ADGRG2: variants seen among roughly 807,000 people sequenced by gnomAD.
ADGRG2 encodes adhesion G protein-coupled receptor G2, also known as G protein-coupled receptor 64.
A neutral mutation model predicts 74.1 loss-of-function variants in ADGRG2; 26 were observed. The ratio of observed to expected loss-of-function variants is 0.35; its 90% CI spans 0.26 to 0.49. ADGRG2 has a LOEUF of 0.49. ADGRG2 is among the 20% of genes least tolerant of loss of function. ADGRG2 has a pLI of 0.99. For synonymous variants in ADGRG2, 296 were observed against 295.2 expected (o/e 1.00, Z -0.03); for missense variants, 619 against 763.1 (o/e 0.81, Z 2.22).
At chrX:19,071,768 G>A (rs1216796758) in intron 2 of ADGRG2, among the ~76,000 whole-genome samples, 1 of 109,858 alleles carries the variant, frequency 9.1e-6, no homozygotes, top group Non-Finnish European at 1.9e-5. Flanking sequence ...TCAATAAAAA[G>A]TTTAAAAATT....
intron 16 of ADGRG2, among the ~76,000 whole-genome samples, chrX:19,012,116 T>G (rs927500800): frequency 2.0e-4 from 22 of 112,505 alleles, no homozygotes; most frequent in Non-Finnish European, 3.6e-4. Flanking sequence ...TATTTCTGTT[T>G]CTGTTCTAAT....
At chrX:19,107,253 T>C (rs760692352) in intron 1 of ADGRG2, among the ~76,000 whole-genome samples, 38 of 112,425 alleles carry the variant, frequency 3.4e-4, no homozygotes, top group African/African-American at 1.2e-3. Context: ...TCGTTTTGCA[T>C]GTTGGCATTT....
chrX:19,082,460 T>C (rs2061867846), intron 2 of ADGRG2, among the ~76,000 whole-genome samples: 1 of 111,254 alleles, frequency 9.0e-6, no homozygotes, highest in African/African-American at 3.3e-5. Flanking sequence ...TCAAAAGCAA[T>C]TGGGTTAGCA....
In ADGRG2 at chrX:19,010,771, G is replaced by C. The variant is rs2146570970; in HGVS notation, c.1107C>G (p.Val369=). Reference sequence around the variant, plus strand: ...CAAGATCAGAAATACTGCTGGTGTTGACGATGTCTATATCAAAGAGCCAAA... The same window carrying C: ...CAAGATCAGAAATACTGCTGGTGTTCACGATGTCTATATCAAAGAGCCAAA... ...TSAPPVQTDI[V]NTSSISDLEN... The change falls in exon 17 of 29, where the codon GTC becomes GTG. Residue 369 remains valine (V), a synonymous_variant. Coordinates refer to ENST00000379869, the MANE Select transcript of ADGRG2 (RefSeq NM_001079858.3). 3 of 1,192,116 alleles carry C rather than the reference G, an allele frequency of 2.5e-6. No individual in the cohort carries two copies. The highest frequency in any genetic ancestry group is 2.3e-6 in the Non-Finnish European group (2 of 882,808).
In ADGRG2 at chrX:19,030,973, C is replaced by T. The variant is rs950799599; in HGVS notation, c.358+11G>A. ...TTTATCTGGTAATGTGTAATGTACA[C>T]AAGAACTAACCTGAGTCATTGCAAA... On this transcript the variant is annotated intron_variant, in intron 9 of 28. Transcript: ENST00000379869. The T allele has an allele frequency of 8.9e-7, 1 of 1,123,304 alleles. No homozygotes were observed. The highest frequency in any genetic ancestry group is 1.2e-6 in the Non-Finnish European group (1 of 816,966). The allele number at this position is 1,123,304 out of a possible 1,213,427, so 92.6% of individuals were successfully genotyped here. A position where few individuals can be genotyped will look rare whatever the true frequency, so the allele number is the denominator to read the frequency against.
chrX:19,064,583 G>A (rs896208677), intron 3 of ADGRG2, among the ~76,000 whole-genome samples: 2 of 112,125 alleles, frequency 1.8e-5, no homozygotes, highest in Non-Finnish European at 3.8e-5. Flanking sequence ...TGGAGGAGGC[G>A]GTGCCTATGA....
chrX:19,032,611 T>C (rs1426348003), intron 8 of ADGRG2: 2 of 111,930 alleles, frequency 1.8e-5, no homozygotes, highest in Admixed American at 9.5e-5. Flanking sequence ...TCTATGTACA[T>C]GGCCACAGGT....
intron 3 of ADGRG2, among the ~76,000 whole-genome samples, chrX:19,046,450 G>A (rs867167566): frequency 1.8e-5 from 2 of 112,148 alleles, no homozygotes; most frequent in Non-Finnish European, 3.8e-5. Flanking sequence ...CCAACTAGAC[G>A]CTAAGCTGCT....
At chrX:19,031,159 T>A (rs2060817105) in intron 8 of ADGRG2, 122 bp from the exon 9 acceptor site, 7 of 517,741 alleles carry the variant, frequency 1.4e-5, no homozygotes, top group Admixed American at 2.8e-5. Flanking sequence ...TAAGCTGGAA[T>A]TAATTGGATG....
chrX:19,075,637 A>G (rs1051631585), intron 2 of ADGRG2, among the ~76,000 whole-genome samples: 1 of 106,328 alleles, frequency 9.4e-6, no homozygotes, highest in African/African-American at 3.5e-5. Flanking sequence ...AAAAAAAAAA[A>G]AAGAAAGAAA....
intron 11 of ADGRG2, among the ~76,000 whole-genome samples, chrX:19,026,458 G>A (rs1458483775): frequency 9.1e-6 from 1 of 110,154 alleles, no homozygotes. Flanking sequence ...GGCCATCCTG[G>A]TGGCTGACAT....
At chrX:19,105,921 C>T (rs1461261724) in intron 1 of ADGRG2, among the ~76,000 whole-genome samples, 1 of 62,819 alleles carries the variant, frequency 1.6e-5, no homozygotes, top group Non-Finnish European at 2.5e-5. Flanking sequence ...GAGCGAGACT[C>T]TGTCTCAAAA....
At chrX:19,090,449 C>T (rs771838288) in intron 1 of ADGRG2, among the ~76,000 whole-genome samples, 13 of 111,735 alleles carry the variant, frequency 1.2e-4, no homozygotes, top group Non-Finnish European at 2.1e-4. Context: ...CCTCACGTGG[C>T]TGCGCAGGCT....
At position 19,010,687 on chromosome X, in the gene ADGRG2, G is replaced by A; in HGVS notation, c.1191C>T (p.Leu397=). 1 of 1,205,653 alleles carries A rather than the reference G, an allele frequency of 8.3e-7. No homozygotes were observed. Among genetic ancestry groups the A allele is most frequent in the Non-Finnish European group, 1.1e-6 (1 of 890,260 alleles). Residue 397 remains leucine (L), a synonymous_variant, in exon 17 of 29, where the codon CTC becomes CTT. Coordinates refer to ENST00000379869, the MANE Select transcript of ADGRG2 (RefSeq NM_001079858.3). ...TGACTTGGTTGATCATTTCTCCTGC[G>A]AGGTTAGGCTCCAGGCTGCCCAAGG... The part of the protein sequence containing the change: ...ALSLGSLEPN[L]AGEMINQVSR...
chrX:18,996,684 C>G (rs767391440), intron 26 of ADGRG2, among the ~76,000 whole-genome samples: 1 of 110,000 alleles, frequency 9.1e-6, no homozygotes, highest in Non-Finnish European at 1.9e-5. Flanking sequence ...CTGCCTGCCT[C>G]CTCCTGACCT....
At chrX:19,112,258 G>A (rs1437880865) in intron 1 of ADGRG2, among the ~76,000 whole-genome samples, 2 of 110,123 alleles carry the variant, frequency 1.8e-5, no homozygotes, top group Non-Finnish European at 3.8e-5. Flanking sequence ...TTTCTTTGTA[G>A]AGACGGGGTC....
At chrX:19,033,806 T>A in intron 7 of ADGRG2, 152 bp from the exon 8 acceptor site, 2 of 366,321 alleles carry the variant, frequency 5.5e-6, no homozygotes, top group Non-Finnish European at 9.8e-6. Context: ...GCAGAATGAA[T>A]AGGAACCGCA....
intron 3 of ADGRG2, among the ~76,000 whole-genome samples, chrX:19,067,449 C>T (rs1376249134): frequency 8.9e-6 from 1 of 111,760 alleles, no homozygotes; most frequent in Non-Finnish European, 1.9e-5. Context: ...CCCACATGCA[C>T]GAGAGTGAAG....
At chrX:19,064,997 G>C (rs753892843) in intron 3 of ADGRG2, among the ~76,000 whole-genome samples, 4 of 110,850 alleles carry the variant, frequency 3.6e-5, no homozygotes, top group Middle Eastern at 4.7e-3. Context: ...TGAGCAGGGC[G>C]TGGTGGCTCA....
Sources: gnomAD v4.1 joint callset for allele counts (sites outside exome capture counted in the v4.1 genomes callset) on GRCh38, gnomAD v4.1.1 for gene constraint, MANE v1.5 for transcripts, NCBI Gene and HGNC (gene_info 2026-07-23, HGNC 2026-07-21) for gene names.